P2RX5: variants seen among roughly 807,000 people sequenced by gnomAD.
P2RX5 encodes the protein purinergic receptor P2X 5, also known as P2X purinoceptor 5.
P2RX5 carries 46 observed loss-of-function variants against 54.1 expected under a neutral mutation model. The ratio of observed to expected loss-of-function variants is 0.85; its 90% CI spans 0.67 to 1.09. The LOEUF (loss-of-function observed/expected upper bound fraction) is 1.09. P2RX5 is among the 50% of genes least tolerant of loss of function. The probability of loss-of-function intolerance (pLI) is 0.00; values close to 1 mark genes in which losing one functional copy is unlikely to be tolerated. For synonymous variants in P2RX5, 226 were observed against 226.4 expected, an observed-to-expected ratio of 1.00 and a Z score of 0.02; for missense variants, 566 against 549.8, an observed-to-expected ratio of 1.03 and a Z score of -0.29.
At chr17:3,691,119 T>C in intron 2 of P2RX5, 92 bp from the exon 3 acceptor site, 1 of 957,798 alleles carries the variant, frequency 1.0e-6, no homozygotes, top group East Asian at 2.5e-5. Context: ...GCGGTCCCTC[T>C]GCCTGGGTTT....
chr17:3,680,314 CATCCTCCACCCT>C (rs2050223092), intron 10 of P2RX5, among the ~76,000 whole-genome samples: 1 of 52,480 alleles, frequency 1.9e-5, no homozygotes, highest in Non-Finnish European at 3.5e-5. Context: ...CTCCACCCTG[CATCCTCCACCCT>C]GCATCCTCCA....
At chr17:3,713,476 C>A in the P2RX5 span, among the ~76,000 whole-genome samples, 3 of 152,220 alleles carry the variant, frequency 2.0e-5, no homozygotes, top group African/African-American at 7.2e-5. Flanking sequence ...CATTGCCAGG[C>A]GCGGTGGCTC....
Position 3,695,916 on chromosome 17 carries a change from G to C in P2RX5, c.90C>G (p.Gly30=). 3 of 1,614,150 alleles carry C rather than the reference G, an allele frequency of 1.9e-6. No individual in the cohort carries two copies. The highest frequency in any genetic ancestry group is 1.7e-6 in the Non-Finnish European group (2 of 1,179,990). The change falls in exon 1 of 12, where the codon GGC becomes GGG. Residue 30 remains glycine, a synonymous_variant. Transcript: ENST00000225328. ...AGGCCTGCAGCAGCCGGTACAGCAGGCCCACCTTCTTGTTCTTGGCGATGA... is the reference window on the plus strand; with the variant it reads ...AGGCCTGCAGCAGCCGGTACAGCAGCCCCACCTTCTTGTTCTTGGCGATGA... ...KYVIAKNKKV[G]LLYRLLQASI...
chr17:3,714,030 C>G, the P2RX5 span, among the ~76,000 whole-genome samples: 1 of 149,490 alleles, frequency 6.7e-6, no homozygotes, highest in Non-Finnish European at 1.5e-5. Context: ...CAGGTTCACG[C>G]CATTCTCCTG....
chr17:3,711,367 A>ATTTTTTT, the P2RX5 span, among the ~76,000 whole-genome samples: 19 of 88,122 alleles, frequency 2.2e-4, no homozygotes, highest in African/African-American at 9.1e-4. Flanking sequence ...CCCAGCACTC[A>ATTTTTTT]TTCTTTTTTT....
intron 8 of P2RX5, 26 bp from the exon 9 acceptor site, chr17:3,688,131 G>C: frequency 1.6e-6 from 2 of 1,273,808 alleles, no homozygotes; most frequent in Non-Finnish European, 2.3e-6. Context: ...CCCAGGGGAG[G>C]CCTCAGCCTG....
the P2RX5 span, among the ~76,000 whole-genome samples, chr17:3,706,974 A>C: frequency 6.6e-6 from 1 of 152,198 alleles, no homozygotes; most frequent in Non-Finnish European, 1.5e-5. Context: ...GGTATCTCAA[A>C]ATATAATGTA....
chr17:3,693,954 G>A lies in P2RX5; in HGVS notation c.137+1915C>T, dbSNP rs113203036. On this transcript the variant is annotated intron_variant, in intron 1 of 11. Coordinates refer to ENST00000225328, the MANE Select transcript of P2RX5 (RefSeq NM_002561.4). ...CAATTTTTGAATTTTTAGTAGAGAC[G>A]GGGTTTTACCACGTTGGTCAGGCTA... Among the ~76,000 whole-genome samples, 27 of 151,900 alleles carry A rather than the reference G, an allele frequency of 1.8e-4. 1 individual carries two copies. Among genetic ancestry groups the A allele is most frequent in the African/African-American group, 4.6e-4 (19 of 41,450 alleles).
At chr17:3,685,483 G>A (rs2050418576) in intron 9 of P2RX5, 1 of 154,298 alleles carries the variant, frequency 6.5e-6, no homozygotes, top group Non-Finnish European at 1.5e-5. Flanking sequence ...CGGGGAGAGG[G>A]TGGGACGCGG....
chr17:3,677,113 C>T, intron 11 of P2RX5: 4 of 985,326 alleles, frequency 4.1e-6, no homozygotes, highest in Non-Finnish European at 4.8e-6. Context: ...AGGCAGAGAG[C>T]AGCTGAGGGT....
In P2RX5 at chr17:3,696,148, T is replaced by A; in HGVS notation, c.-143A>T. On this transcript the variant is annotated 5_prime_UTR_variant, in exon 1 of 12. Coordinates refer to ENST00000225328, the MANE Select transcript of P2RX5 (RefSeq NM_002561.4). ...TGCAGCCCGGGGTGTCCGGCAGGGC[T>A]GCGGGGCGCGGGGGCGGGTCGGGGC... The A allele has an allele frequency of 1.2e-6, 1 of 800,940 alleles. No individual in the cohort carries two copies. The allele number at this position is 800,940 out of a possible 1,614,324, so 49.6% of individuals were successfully genotyped here.
chr17:3,675,755 A>G (rs160584), intron 11 of P2RX5: 292,177 of 712,392 alleles, frequency 0.41, 62,390 homozygotes, highest in African/African-American at 0.65. Context: ...GTTTTGCCAT[A>G]TTGGCCAGGC....
At chr17:3,698,107 T>C, upstream of P2RX5, among the ~76,000 whole-genome samples, 1 of 151,884 alleles carries the variant, frequency 6.6e-6, no homozygotes, top group Admixed American at 6.6e-5. Flanking sequence ...GACTGCGAAT[T>C]TTAGGGGCTG....
intron 9 of P2RX5, chr17:3,682,302 G>A (rs546594934): frequency 1.7e-4 from 68 of 397,774 alleles, no homozygotes; most frequent in African/African-American, 1.3e-3. Flanking sequence ...ACCGAAGTAC[G>A]GAGAGGATCT....
the P2RX5 span, among the ~76,000 whole-genome samples, chr17:3,707,150 A>G: frequency 6.6e-6 from 1 of 152,176 alleles, no homozygotes; most frequent in South Asian, 2.1e-4. Context: ...AAGCTGATAG[A>G]CGGTTGGGAA....
At position 3,679,935 on chromosome 17, in the gene P2RX5, G is replaced by A. The variant is rs1008815049; in HGVS notation, c.1065-151C>T. On this transcript the variant is annotated intron_variant, in intron 10 of 11. Transcript: ENST00000225328. ...TCCTCCACCCTGCTTCCTCCATGCG[G>A]CTCCCTCCACCCTGCATCCTCCACC... The A allele has an allele frequency of 1.1e-5, 8 of 716,088 alleles. No individual in the cohort carries two copies. In the African/African-American group the frequency reaches 1.4e-4, roughly 13 times the overall value. The allele number at this position is 716,088 out of a possible 1,614,324, so 44.4% of individuals were successfully genotyped here. A position where few individuals can be genotyped will look rare whatever the true frequency, so the allele number is the denominator to read the frequency against.
chr17:3,716,102 G>C, the P2RX5 span, among the ~76,000 whole-genome samples: 1 of 151,714 alleles, frequency 6.6e-6, no homozygotes, highest in Non-Finnish European at 1.5e-5. Flanking sequence ...TGGGGGGAAG[G>C]GAAGGTTGCA....
intron 11 of P2RX5, 46 bp downstream of exon 11, chr17:3,679,544 T>C: frequency 1.3e-6 from 2 of 1,578,934 alleles, no homozygotes; most frequent in Non-Finnish European, 1.7e-6. Flanking sequence ...GGGACCCCTC[T>C]CTGCAGGACC....
intron 10 of P2RX5, 21 bp downstream of exon 10, chr17:3,681,875 C>T (rs376717542): frequency 1.5e-5 from 23 of 1,576,882 alleles, no homozygotes; most frequent in African/African-American, 4.0e-5. Context: ...CTCGGGCCGC[C>T]GGCCTGGAAG....
Sources: allele counts gnomAD v4.1 joint callset (sites outside exome capture counted in the v4.1 genomes callset), GRCh38; gene constraint gnomAD v4.1.1; transcripts MANE v1.5; gene names NCBI Gene and HGNC (gene_info 2026-07-23, HGNC 2026-07-21).